The following FSTL5 variants were observed in gnomAD, a reference collection of about 807,000 sequenced individuals.
The protein encoded by FSTL5 is follistatin-related protein 5.
FSTL5 carries 62 observed loss-of-function variants against 89.1 expected under a neutral mutation model. The observed-to-expected ratio is 0.70, with a 90% confidence interval of 0.57 to 0.86. FSTL5 has a LOEUF of 0.86. Among genes scored for constraint, FSTL5 ranks in the 40% least tolerant of loss-of-function variants. FSTL5 has a pLI of 0.00. For missense variants in FSTL5, 1,057 were observed against 1,001.6 expected (o/e 1.06, Z -0.75); for synonymous variants, 383 against 346.2 (o/e 1.11, Z -1.18).
intron 4 of FSTL5, among the ~76,000 whole-genome samples, chr4:161,783,011 C>T (rs1560842953): frequency 1.3e-5 from 2 of 152,100 alleles, no homozygotes; most frequent in Non-Finnish European, 2.9e-5. Context: ...TTCATCTCCT[C>T]CCACCACTGT....
intron 3 of FSTL5, among the ~76,000 whole-genome samples, chr4:161,954,794 G>C (rs900388170): frequency 7.9e-5 from 12 of 151,492 alleles, no homozygotes; most frequent in African/African-American, 2.9e-4. Context: ...TGTTTCAAAT[G>C]TCTTTAGCAA....
At chr4:161,445,565 GT>G (rs1732916353) in intron 15 of FSTL5, among the ~76,000 whole-genome samples, 1 of 151,714 alleles carries the variant, frequency 6.6e-6, no homozygotes. Context: ...TCCAAAAATG[GT>G]TTTCAAGTAT....
chr4:161,451,534 G>C, intron 15 of FSTL5, among the ~76,000 whole-genome samples: 1 of 152,184 alleles, frequency 6.6e-6, no homozygotes, highest in East Asian at 1.9e-4. Context: ...ACAACAACTA[G>C]TGAGCAACTG....
chr4:161,477,835 A>T, intron 13 of FSTL5, among the ~76,000 whole-genome samples: 1 of 152,222 alleles, frequency 6.6e-6, no homozygotes, highest in East Asian at 1.9e-4. Flanking sequence ...ATGATCATCA[A>T]TGTAGAAATA....
intron 15 of FSTL5, among the ~76,000 whole-genome samples, chr4:161,436,406 T>C (rs999954806): frequency 4.6e-5 from 7 of 152,230 alleles, no homozygotes; most frequent in African/African-American, 1.4e-4. Context: ...TGAGTATTTA[T>C]TGGTGAATTA....
chr4:162,018,644 T>A (rs1426828727), intron 3 of FSTL5, among the ~76,000 whole-genome samples: 2 of 15,790 alleles, frequency 1.3e-4, no homozygotes, highest in African/African-American at 4.8e-4. Flanking sequence ...AGCTTTACAT[T>A]TCTTTAATTA....
At position 161,895,210 on chromosome 4, in the gene FSTL5, C is replaced by A. The variant is rs543680284; in HGVS notation, c.409+25194G>T. ...GCCCCTTGTTTTAGCCACTTAACTA[C>A]ACTGCTTTTAATTATTATATTTCCA... On this transcript the variant is annotated intron_variant, in intron 4 of 15. Coordinates refer to ENST00000306100, the MANE Select transcript of FSTL5 (RefSeq NM_020116.5). Among the ~76,000 whole-genome samples the A allele has an allele frequency of 1.4e-4, 21 of 152,296 alleles. No individual in the cohort carries two copies. In the South Asian group the frequency reaches 4.3e-3, roughly 32 times the overall value.
intron 3 of FSTL5, among the ~76,000 whole-genome samples, chr4:162,024,454 C>G (rs1737205856): frequency 6.6e-6 from 1 of 152,108 alleles, no homozygotes; most frequent in South Asian, 2.1e-4. Context: ...GTTTAAGTAA[C>G]CTTCATTATC....
intron 3 of FSTL5, among the ~76,000 whole-genome samples, chr4:161,998,911 G>T (rs1048305264): frequency 6.7e-6 from 1 of 149,972 alleles, no homozygotes; most frequent in Non-Finnish European, 1.5e-5. Flanking sequence ...GTTGGAATTT[G>T]GTATCTTATT....
chr4:161,585,926 T>A (rs1242068310), intron 8 of FSTL5, among the ~76,000 whole-genome samples: 1 of 152,202 alleles, frequency 6.6e-6, no homozygotes, highest in East Asian at 1.9e-4. Context: ...CCTGCTTTCT[T>A]CCCTGGTTTC....
intron 3 of FSTL5, among the ~76,000 whole-genome samples, chr4:161,953,297 T>C (rs1734945936): frequency 6.6e-6 from 1 of 151,640 alleles, no homozygotes; most frequent in Admixed American, 6.6e-5. Flanking sequence ...AATTAGCCCA[T>C]GTAAAACTTA....
intron 4 of FSTL5, among the ~76,000 whole-genome samples, chr4:161,781,050 G>A (rs1741647772): frequency 1.3e-5 from 2 of 151,922 alleles, no homozygotes; most frequent in South Asian, 4.1e-4. Flanking sequence ...GAATAAAAAT[G>A]TTTTTATTTA....
At chr4:162,084,613 G>A (rs1730234787) in intron 2 of FSTL5, among the ~76,000 whole-genome samples, 1 of 152,060 alleles carries the variant, frequency 6.6e-6, no homozygotes, top group East Asian at 1.9e-4. Flanking sequence ...ATTAGTTCAT[G>A]TCCTTTGCAG....
At chr4:161,646,593 A>G (rs961459411) in intron 7 of FSTL5, among the ~76,000 whole-genome samples, 1 of 152,094 alleles carries the variant, frequency 6.6e-6, no homozygotes, top group Non-Finnish European at 1.5e-5. Flanking sequence ...CTAGCTAGCT[A>G]TGCACTGCAG....
intron 7 of FSTL5, among the ~76,000 whole-genome samples, chr4:161,595,444 C>T (rs1477684203): frequency 6.6e-6 from 1 of 151,954 alleles, no homozygotes; most frequent in African/African-American, 2.4e-5. Flanking sequence ...TGCCTTAAGG[C>T]ATTGATGTCT....
chr4:161,445,670 T>C (rs750760280), intron 15 of FSTL5, among the ~76,000 whole-genome samples: 4 of 151,996 alleles, frequency 2.6e-5, no homozygotes, highest in Non-Finnish European at 5.9e-5. Flanking sequence ...GGATTATCAA[T>C]ACGTCATTTT....
chr4:161,678,850 A>C (rs1314022094), intron 6 of FSTL5, among the ~76,000 whole-genome samples: 1 of 151,812 alleles, frequency 6.6e-6, no homozygotes, highest in African/African-American at 2.4e-5. Context: ...GTAAATGCTA[A>C]ATAAAACATT....
chr4:161,500,042 G>A lies in FSTL5; in HGVS notation c.1432C>T (p.Pro478Ser). The part of the protein sequence containing the change: ...IECEFQRHIK[P>S]SEKLLGFQDE... ...TGAAATCCAAGGAGCTTTTCACTAGGCTTAATGTGCCTCTGAAATTCACAT... is the reference window on the plus strand; with the variant it reads ...TGAAATCCAAGGAGCTTTTCACTAGACTTAATGTGCCTCTGAAATTCACAT... The change falls in exon 12 of 16, where the codon CCT becomes TCT. Residue 478 changes from proline (P) to serine (S), a missense_variant. This residue lies in a region of FSTL5 where 980 missense variants were observed against 903.2 expected (regional missense o/e 1.08). Coordinates refer to ENST00000306100, the MANE Select transcript of FSTL5 (RefSeq NM_020116.5). 6.2e-7 allele frequency: 1 copy of A among 1,606,792 alleles called. No homozygotes were observed. The highest frequency in any genetic ancestry group is 8.5e-7 in the Non-Finnish European group (1 of 1,174,392).
At chr4:161,403,725 C>A (rs1225585744) in intron 15 of FSTL5, among the ~76,000 whole-genome samples, 2 of 152,140 alleles carry the variant, frequency 1.3e-5, no homozygotes, top group Non-Finnish European at 2.9e-5. Flanking sequence ...AGCAAAAGCA[C>A]ATCACTACTC....
Sources: allele counts gnomAD v4.1 joint callset (sites outside exome capture counted in the v4.1 genomes callset), GRCh38; gene constraint gnomAD v4.1.1; regional missense constraint gnomAD v4.1.1; transcripts MANE v1.5; gene names NCBI Gene and HGNC (gene_info 2026-07-23, HGNC 2026-07-21).